Variants in GRIK1 observed in about 807,000 individuals in gnomAD.
GRIK1 encodes glutamate receptor ionotropic, kainate 1.
Under a neutral mutation model 105.7 loss-of-function variants are expected in GRIK1, and 69 were observed. The observed-to-expected ratio is 0.65, with a 90% CI of 0.54 to 0.80. GRIK1 has a LOEUF of 0.80. Among genes scored for constraint, GRIK1 ranks in the 30% least tolerant of loss-of-function variants. GRIK1 has a pLI of 0.00. For missense variants in GRIK1, 1,109 were observed against 1,167.3 expected, an observed-to-expected ratio of 0.95 and a Z score of 0.73; for synonymous variants, 438 against 431.3, an observed-to-expected ratio of 1.02 and a Z score of -0.19.
intron 3 of GRIK1, among the ~76,000 whole-genome samples, chr21:29,674,685 A>G (rs1339317715): frequency 6.6e-6 from 1 of 152,030 alleles, no homozygotes; most frequent in African/African-American, 2.4e-5. Flanking sequence ...GCCAACATGT[A>G]TGACATTTCT....
chr21:29,561,620 T>C lies in GRIK1; in HGVS notation c.2356+4A>G. ...CAGTCTTGGTTCATGTCTACCCGTC[T>C]TACCAATAGGTGTTCCCACTCCGTA... On this transcript the variant is annotated splice_donor_region_variant and intron_variant, in intron 15 of 17. Coordinates refer to ENST00000327783, the MANE Select transcript of GRIK1 (RefSeq NM_001330994.2). 6.3e-7 allele frequency: 1 copy of C among 1,580,994 alleles called. No homozygotes were observed. The highest frequency in any genetic ancestry group is 8.7e-7 in the Non-Finnish European group (1 of 1,149,860).
intron 16 of GRIK1, among the ~76,000 whole-genome samples, chr21:29,541,824 A>G (rs1478948106): frequency 6.7e-6 from 1 of 149,514 alleles, no homozygotes; most frequent in African/African-American, 2.5e-5. Context: ...TGCTTTATAC[A>G]TAGGCACTCC....
chr21:29,854,549 G>C (rs1462238788), intron 1 of GRIK1, among the ~76,000 whole-genome samples: 1 of 152,130 alleles, frequency 6.6e-6, no homozygotes, highest in Non-Finnish European at 1.5e-5. Flanking sequence ...AATGGACTTG[G>C]GTGGGGGAAT....
chr21:29,693,917 T>G lies in GRIK1; in HGVS notation c.265A>C (p.Ser89Arg), dbSNP rs781487517. 6.2e-7 allele frequency: 1 copy of G among 1,613,274 alleles called. No homozygotes were observed. The highest frequency in any genetic ancestry group is 8.5e-7 in the Non-Finnish European group (1 of 1,179,398). ...YDIQRINLFDSFEASRRACDQ... is the reference protein window; with the variant it reads ...YDIQRINLFDRFEASRRACDQ... The stretch of plus-strand genomic sequence containing the variant: ...TTACCTCTCCGCGAGGCTTCAAAAC[T>G]ATCAAAAAGGTTAATTCTCTGGATG... Residue 89 changes from serine (S) to arginine (R), a missense_variant, in exon 2 of 18, where the codon AGT (serine) becomes CGT (arginine). This residue lies in a region of GRIK1 where 612 missense variants were observed against 586.0 expected (regional missense o/e 1.04). Transcript: ENST00000327783.
chr21:29,740,894 A>G (rs561329064), intron 1 of GRIK1, among the ~76,000 whole-genome samples: 1 of 152,330 alleles, frequency 6.6e-6, no homozygotes, highest in South Asian at 2.1e-4. Context: ...GCAATTCACC[A>G]AGTAGATAGC....
At chr21:29,897,780 A>G (rs926262870) in intron 1 of GRIK1, among the ~76,000 whole-genome samples, 1 of 152,250 alleles carries the variant, frequency 6.6e-6, no homozygotes, top group Non-Finnish European at 1.5e-5. Context: ...GCTGTAAAGC[A>G]CAAGCATAAT....
intron 1 of GRIK1, among the ~76,000 whole-genome samples, chr21:29,700,907 A>G (rs1004447183): frequency 1.3e-5 from 2 of 152,232 alleles, no homozygotes; most frequent in Non-Finnish European, 2.9e-5. Flanking sequence ...CAAACAAAAA[A>G]AACACAGGAA....
rs946947529 is a variant in GRIK1, at chr21:29,933,401, C to A, written c.118+5982G>T. Among the ~76,000 whole-genome samples, 3 of 152,194 alleles carry A rather than the reference C, an allele frequency of 2.0e-5. No homozygotes were observed. The South Asian group carries it at 6.2e-4, about 32-fold the overall frequency. The stretch of plus-strand genomic sequence containing the variant: ...GAGTTGAGTGGGACATTAATAGCTA[C>A]GATTCAAATAAGGGTCTTCCAATAA... On this transcript the variant is annotated intron_variant, in intron 1 of 17. Coordinates refer to ENST00000327783, the MANE Select transcript of GRIK1 (RefSeq NM_001330994.2).
intron 15 of GRIK1, among the ~76,000 whole-genome samples, chr21:29,560,364 T>TTTCTTTCTTCCTTC (rs2090394173): frequency 1.4e-4 from 5 of 35,920 alleles, no homozygotes; most frequent in Non-Finnish European, 2.1e-4. Context: ...TCTTTTTCTT[T>TTTCTTTCTTCCTTC]CTTCCTTCCT....
intron 1 of GRIK1, among the ~76,000 whole-genome samples, chr21:29,934,850 T>A (rs1322001862): frequency 6.6e-6 from 1 of 152,098 alleles, no homozygotes; most frequent in East Asian, 1.9e-4. Flanking sequence ...CAATATTAAA[T>A]GCAAAGATGA....
At chr21:29,936,002 T>C (rs2071734581) in intron 1 of GRIK1, among the ~76,000 whole-genome samples, 1 of 152,266 alleles carries the variant, frequency 6.6e-6, no homozygotes, top group South Asian at 2.1e-4. Context: ...AGCCCTTTCA[T>C]ATTGAGCTCT....
intron 1 of GRIK1, among the ~76,000 whole-genome samples, chr21:29,838,384 T>C (rs902497368): frequency 1.3e-5 from 2 of 152,114 alleles, no homozygotes; most frequent in Non-Finnish European, 2.9e-5. Flanking sequence ...AGATTCCTCA[T>C]TGGCCATTTA....
Position 29,689,747 on chromosome 21 carries a change from C to T in GRIK1, c.525G>A (p.Val175=), listed in dbSNP as rs771129301. 2 of 1,613,926 alleles carry T rather than the reference C, an allele frequency of 1.2e-6. No individual in the cohort carries two copies. The highest frequency in any genetic ancestry group is 2.2e-5 in the South Asian group (2 of 91,056). Reference sequence around the variant, plus strand: ...CCATACCTGTGCTGTCTTCATACACCACTGTCACTGTTTTCCAGTTGTAAT... The same window carrying T: ...CCATACCTGTGCTGTCTTCATACACTACTGTCACTGTTTTCCAGTTGTAAT... ...VLYYNWKTVT[V]VYEDSTGLIR... Residue 175 remains valine (V), a synonymous_variant, in exon 3 of 18, where the codon GTG becomes GTA. Transcript: ENST00000327783.
At chr21:29,707,165 A>G (rs2063928640) in intron 1 of GRIK1, among the ~76,000 whole-genome samples, 1 of 152,082 alleles carries the variant, frequency 6.6e-6, no homozygotes. Flanking sequence ...CGCCCGGGCT[A>G]TTCCAGGCAT....
intron 3 of GRIK1, among the ~76,000 whole-genome samples, chr21:29,675,887 C>T (rs2063256364): frequency 6.6e-6 from 1 of 152,166 alleles, no homozygotes; most frequent in Admixed American, 6.5e-5. Context: ...TCAGTGGCCC[C>T]TCCCAACTTT....
intron 1 of GRIK1, among the ~76,000 whole-genome samples, chr21:29,751,265 T>C (rs903778540): frequency 5.9e-5 from 9 of 152,212 alleles, no homozygotes; most frequent in African/African-American, 2.2e-4. Flanking sequence ...ATATCTTATT[T>C]GATATACCTA....
rs73349514 is a variant in GRIK1 at position 29,933,138 on chromosome 21, A to G, written c.118+6245T>C. Among the ~76,000 whole-genome samples the G allele has an allele frequency of 4.8e-3, 725 of 152,016 alleles. 4 individuals are homozygous for G. Among genetic ancestry groups the G allele is most frequent in the African/African-American group, 0.016 (645 of 41,496 alleles). On this transcript the variant is annotated intron_variant, in intron 1 of 17. Coordinates refer to ENST00000327783, the MANE Select transcript of GRIK1 (RefSeq NM_001330994.2). ...CCATACTAAGTGTTTTTTTTTATTA[A>G]TTTGTATTTTTATGTTAAGTTCCGG...
intron 1 of GRIK1, among the ~76,000 whole-genome samples, chr21:29,712,435 T>A (rs996993292): frequency 2.0e-5 from 3 of 152,102 alleles, no homozygotes; most frequent in Non-Finnish European, 4.4e-5. Context: ...TGTTCCTTTT[T>A]AAGGATCTTG....
chr21:29,803,170 C>T (rs2066760405), intron 1 of GRIK1, among the ~76,000 whole-genome samples: 1 of 152,054 alleles, frequency 6.6e-6, no homozygotes, highest in Non-Finnish European at 1.5e-5. Context: ...TAACTCCATC[C>T]TCCCGGCTGT....
Sources: gnomAD v4.1 joint callset for allele counts (sites outside exome capture counted in the v4.1 genomes callset) on GRCh38, gnomAD v4.1.1 for gene constraint, gnomAD v4.1.1 regional missense constraint, MANE v1.5 for transcripts, NCBI Gene and HGNC (gene_info 2026-07-23, HGNC 2026-07-21) for gene names.